Variants in SNX29 observed in about 807,000 individuals in gnomAD.
SNX29 encodes the protein sorting nexin 29.
A neutral mutation model predicts 102.1 loss-of-function variants in SNX29; 78 were observed. That is an observed-to-expected ratio of 0.76 (90% CI 0.64 to 0.92). SNX29 has a LOEUF of 0.92. SNX29 is among the 40% of genes least tolerant of loss of function. The pLI is 0.00. For synonymous variants in SNX29, 580 were observed against 414.5 expected (o/e 1.40, Z -4.85); for missense variants, 1,280 against 1,061.7 (o/e 1.21, Z -2.86).
intron 11 of SNX29, among the ~76,000 whole-genome samples, chr16:12,116,398 GCAGTGGCT>G (rs543171776): frequency 7.2e-5 from 11 of 152,348 alleles, no homozygotes; most frequent in Non-Finnish European, 1.6e-4. Context: ...GGGGCCGGGC[GCAGTGGCT>G]CATGCCTGTG....
intron 13 of SNX29, among the ~76,000 whole-genome samples, chr16:12,195,061 T>G (rs889171993): frequency 3.3e-5 from 5 of 152,216 alleles, no homozygotes; most frequent in African/African-American, 9.6e-5. Flanking sequence ...TCTATACATT[T>G]CCAGTGCAAA....
intron 18 of SNX29, among the ~76,000 whole-genome samples, chr16:12,468,495 A>G (rs1467090342): frequency 6.6e-6 from 1 of 152,096 alleles, no homozygotes; most frequent in Non-Finnish European, 1.5e-5. Flanking sequence ...CAGATCAAAC[A>G]TCAAAGCTCA....
intron 3 of SNX29, among the ~76,000 whole-genome samples, chr16:12,018,228 G>A (rs530009045): frequency 2.6e-5 from 4 of 151,980 alleles, no homozygotes; most frequent in South Asian, 2.1e-4. Flanking sequence ...TCTTTATGCC[G>A]TTTAACAAAA....
At chr16:12,195,387 C>G (rs944795433) in intron 13 of SNX29, among the ~76,000 whole-genome samples, 1 of 152,202 alleles carries the variant, frequency 6.6e-6, no homozygotes, top group Admixed American at 6.5e-5. Context: ...AATACAGTTT[C>G]TTAGAAGTAG....
At chr16:12,403,783 G>A (rs2084056325) in intron 18 of SNX29, among the ~76,000 whole-genome samples, 1 of 152,226 alleles carries the variant, frequency 6.6e-6, no homozygotes, top group Non-Finnish European at 1.5e-5. Context: ...AGCTCAGACT[G>A]CATGAGCAGA....
chr16:12,335,099 G>A (rs1044294831), intron 15 of SNX29, among the ~76,000 whole-genome samples: 1 of 151,854 alleles, frequency 6.6e-6, no homozygotes, highest in African/African-American at 2.4e-5. Context: ...TGCAGCAGGG[G>A]AGCAGGACAC....
intron 20 of SNX29, among the ~76,000 whole-genome samples, chr16:12,529,756 C>T (rs1287740055): frequency 1.3e-5 from 2 of 152,072 alleles, no homozygotes; most frequent in African/African-American, 2.4e-5. Flanking sequence ...CTGCCTTGTT[C>T]TCCCAGTGAG....
chr16:12,260,691 T>C (rs2078708246), intron 14 of SNX29, among the ~76,000 whole-genome samples: 2 of 151,910 alleles, frequency 1.3e-5, no homozygotes, highest in Admixed American at 6.6e-5. Flanking sequence ...CTTGGGTCTG[T>C]GCACGCGTCC....
intron 16 of SNX29, chr16:12,375,897 G>C (rs1025446716): frequency 6.6e-6 from 1 of 152,056 alleles, no homozygotes; most frequent in African/African-American, 2.4e-5. Context: ...CCAGGCGGTA[G>C]TTACACACGC....
At chr16:12,043,530 AT>A (rs894264006) in intron 5 of SNX29, among the ~76,000 whole-genome samples, 2 of 151,730 alleles carry the variant, frequency 1.3e-5, no homozygotes, top group African/African-American at 2.4e-5. Context: ...AATTTAAAAA[AT>A]TTTTTTGTAG....
Position 12,061,510 on chromosome 16 carries a change from T to C in SNX29, c.1125-18T>C, listed in dbSNP as rs2050773256. The C allele has an allele frequency of 6.4e-7, 1 of 1,573,266 alleles. No individual in the cohort carries two copies. Among genetic ancestry groups the C allele is most frequent in the Non-Finnish European group, 8.6e-7 (1 of 1,160,114 alleles). On this transcript the variant is annotated intron_variant, in intron 8 of 20. Coordinates refer to ENST00000566228, the MANE Select transcript of SNX29 (RefSeq NM_032167.5). Reference sequence around the variant, plus strand: ...TGGGCTCTTTGGCCTGTCCTGCAGCTGTATTCTTTCACCTTAGGCCACTGG... The same window carrying C: ...TGGGCTCTTTGGCCTGTCCTGCAGCCGTATTCTTTCACCTTAGGCCACTGG...
At chr16:12,543,375 G>A (rs189289376) in intron 20 of SNX29, among the ~76,000 whole-genome samples, 16 of 152,306 alleles carry the variant, frequency 1.1e-4, no homozygotes, top group East Asian at 5.8e-4. Context: ...CTCATGGACT[G>A]AACATGATTA....
chr16:12,049,658 A>G (rs2050225924), intron 7 of SNX29, among the ~76,000 whole-genome samples: 1 of 152,040 alleles, frequency 6.6e-6, no homozygotes, highest in Non-Finnish European at 1.5e-5. Flanking sequence ...TTAATTAAAA[A>G]ATTAAATATA....
rs938295223 is a variant in SNX29, at chr16:12,539,742, A to G, written c.2318+14901A>G. On this transcript the variant is annotated intron_variant, in intron 20 of 20. Transcript: ENST00000566228. ...CTGTGGCTGTTCACAAGGATGCAGA[A>G]TATTTCATCATGGTCTTAATTTGCA... Among the ~76,000 whole-genome samples, 90 of 152,346 alleles carry G rather than the reference A, an allele frequency of 5.9e-4. 1 individual carries two copies. The highest frequency in any genetic ancestry group is 2.0e-3 in the African/African-American group (83 of 41,580).
rs975621483 is a variant in SNX29 at position 12,571,270 on chromosome 16, C to A, written c.*2641C>A. On this transcript the variant is annotated 3_prime_UTR_variant, in exon 21 of 21. Coordinates refer to ENST00000566228, the MANE Select transcript of SNX29 (RefSeq NM_032167.5). ...ACACCCAGGCCTAGCAGAATTGTGG[C>A]TGAAACCTGGTGCCCAAATTCCACA... is the stretch of plus-strand genomic sequence containing the variant. 2 of 231,978 alleles carry A rather than the reference C, an allele frequency of 8.6e-6. No homozygotes were observed. Among genetic ancestry groups the A allele is most frequent in the South Asian group, 1.8e-4 (1 of 5,528 alleles). 14.4% of individuals were successfully genotyped at this position (231,978 alleles called of 1,614,324 possible).
chr16:12,045,327 G>T (rs1482435212), intron 5 of SNX29, among the ~76,000 whole-genome samples: 1 of 152,080 alleles, frequency 6.6e-6, no homozygotes, highest in Non-Finnish European at 1.5e-5. Flanking sequence ...CTTTTTCCTT[G>T]ATTAATTTAG....
At chr16:12,525,826 C>T (rs187222162) in intron 20 of SNX29, among the ~76,000 whole-genome samples, 57 of 152,230 alleles carry the variant, frequency 3.7e-4, no homozygotes, top group African/African-American at 1.3e-3. Context: ...TTTCGCCTGC[C>T]ACATGCCAGG....
intron 20 of SNX29, among the ~76,000 whole-genome samples, chr16:12,540,509 G>A (rs751350523): frequency 6.6e-6 from 1 of 152,230 alleles, no homozygotes; most frequent in African/African-American, 2.4e-5. Context: ...CCTTCTCGAG[G>A]TTGTGGGGCA....
intron 20 of SNX29, among the ~76,000 whole-genome samples, chr16:12,540,895 G>A (rs1378342568): frequency 6.6e-6 from 1 of 152,212 alleles, no homozygotes; most frequent in Non-Finnish European, 1.5e-5. Flanking sequence ...CAGAGCTGGA[G>A]GGCTTCTCTG....
Sources: gnomAD v4.1 joint callset for allele counts (sites outside exome capture counted in the v4.1 genomes callset) on GRCh38, gnomAD v4.1.1 for gene constraint, MANE v1.5 for transcripts, NCBI Gene and HGNC (gene_info 2026-07-23, HGNC 2026-07-21) for gene names.